Variants in DYSF observed in about 807,000 individuals in gnomAD.
The protein encoded by DYSF is dysferlin, also known as dystrophy-associated fer-1-like 1.
A neutral mutation model predicts 274.9 loss-of-function variants in DYSF; 212 were observed. The ratio of observed to expected loss-of-function variants is 0.77; its 90% CI spans 0.69 to 0.86. The LOEUF (loss-of-function observed/expected upper bound fraction) is 0.86. DYSF is among the 40% of genes least tolerant of loss of function. DYSF has a pLI of 0.00. For missense variants in DYSF, 2,666 were observed against 2,783.2 expected, an observed-to-expected ratio of 0.96 and a Z score of 0.95; for synonymous variants, 1,091 against 1,078.7, an observed-to-expected ratio of 1.01 and a Z score of -0.22.
At chr2:71,662,494 GTA>G (rs200003068) in intron 45 of DYSF, among the ~76,000 whole-genome samples, 13,828 of 144,950 alleles carry the variant, frequency 0.095, 708 homozygotes, top group South Asian at 0.18. Context: ...GTATTTGTGT[GTA>G]TGTGTGTGTA....
chr2:71,593,201 T>G (rs1402977398), intron 32 of DYSF, among the ~76,000 whole-genome samples: 2 of 150,616 alleles, frequency 1.3e-5, no homozygotes, highest in Admixed American at 1.3e-4. Flanking sequence ...GGCGCTATCT[T>G]GGCTCACTGC....
chr2:71,593,437 A>G (rs1244495566), intron 32 of DYSF, among the ~76,000 whole-genome samples: 1 of 152,098 alleles, frequency 6.6e-6, no homozygotes, highest in Non-Finnish European at 1.5e-5. Flanking sequence ...GGCCAGTTCA[A>G]TGACTTCTTT....
chr2:71,458,399 C>T (rs13406110), intron 1 of DYSF, among the ~76,000 whole-genome samples: 26,008 of 152,076 alleles, frequency 0.17, 2,512 homozygotes, highest in Non-Finnish European at 0.22. Context: ...TTTCTCCATC[C>T]ACTGTCCTGC....
At chr2:71,622,120 T>C (rs4852815) in intron 41 of DYSF, among the ~76,000 whole-genome samples, 98,520 of 139,002 alleles carry the variant, frequency 0.71, 37,100 homozygotes, top group East Asian at 0.87. Context: ...TCCATTCAGA[T>C]GATTTCTTTG....
intron 3 of DYSF, among the ~76,000 whole-genome samples, chr2:71,498,765 G>A (rs1019916271): frequency 4.6e-5 from 7 of 152,112 alleles, no homozygotes; most frequent in African/African-American, 7.2e-5. Flanking sequence ...AATGAATAAG[G>A]GCATTTTGGA....
intron 3 of DYSF, among the ~76,000 whole-genome samples, chr2:71,493,753 G>A (rs991969879): frequency 6.6e-6 from 1 of 150,476 alleles, no homozygotes; most frequent in African/African-American, 2.4e-5. Context: ...CCGGGAGGCT[G>A]AGGCAGGAGA....
At chr2:71,545,926 G>T (rs116036025) in intron 17 of DYSF, among the ~76,000 whole-genome samples, 1 of 152,178 alleles carries the variant, frequency 6.6e-6, no homozygotes, top group Non-Finnish European at 1.5e-5. Context: ...ATTCAAAGTC[G>T]GGACCACCTT....
intron 47 of DYSF, among the ~76,000 whole-genome samples, 197 bp downstream of exon 47, chr2:71,665,501 T>G (rs954008986): frequency 6.6e-6 from 1 of 152,066 alleles, no homozygotes; most frequent in East Asian, 1.9e-4. Context: ...GATGCCACTG[T>G]GAAAATTAGA....
chr2:71,526,498 G>T (rs1485058859), intron 13 of DYSF, 152 bp downstream of exon 13: 7 of 1,181,932 alleles, frequency 5.9e-6, no homozygotes, highest in African/African-American at 1.5e-5. Flanking sequence ...AATCAGTGCT[G>T]GTGGAGTTAC....
rs935203058 is a variant in DYSF, at chr2:71,612,551, C to A, written c.4222-90C>A. On this transcript the variant is annotated intron_variant, in intron 38 of 55. Transcript: ENST00000410020. ...GATTTCTGGCTGTGGGGATTATCTG[C>A]GGTTTATAGTCATTTTCTGCTCTTT... The A allele has an allele frequency of 3.2e-6, 5 of 1,562,704 alleles. No homozygotes were observed. In the African/African-American group the frequency reaches 5.4e-5, roughly 17 times the overall value.
chr2:71,517,635 A>G (rs570901158), intron 10 of DYSF, among the ~76,000 whole-genome samples: 1 of 152,160 alleles, frequency 6.6e-6, no homozygotes, highest in Non-Finnish European at 1.5e-5. Context: ...AAGTAGTTTT[A>G]CAACTTGGAG....
intron 42 of DYSF, among the ~76,000 whole-genome samples, chr2:71,652,046 CAGA>C (rs1183562724): frequency 6.6e-6 from 1 of 152,174 alleles, no homozygotes; most frequent in East Asian, 1.9e-4. Flanking sequence ...TTCATGACTT[CAGA>C]AGGTTTCTTT....
At chr2:71,500,120 C>T (rs1324565497) in intron 3 of DYSF, among the ~76,000 whole-genome samples, 1 of 152,182 alleles carries the variant, frequency 6.6e-6, no homozygotes, top group Non-Finnish European at 1.5e-5. Flanking sequence ...GACCTAGAGG[C>T]CCCTGGATAA....
At chr2:71,662,600 CGTCT>C (rs1379313598) in intron 45 of DYSF, among the ~76,000 whole-genome samples, 1 of 137,982 alleles carries the variant, frequency 7.2e-6, no homozygotes, top group African/African-American at 2.7e-5. Context: ...TAGGTGTATG[CGTCT>C]GTGTGTGTCT....
Position 71,564,163 on chromosome 2 carries a change from G to A in DYSF, c.2515G>A (p.Ala839Thr), listed in dbSNP as rs2091949984. ...AHQVLFSRRG[A>T]NYCGKNCGKL... ...CCAAGTCCTCTTCTCCCGGCGGGGT[G>A]CCAACTACTGTGGCAAGAATTGTGG... The change falls in exon 24 of 56, where the codon GCC becomes ACC. Residue 839 changes from alanine to threonine, a missense_variant. Around this residue, in one of 3 missense-constraint regions of DYSF, gnomAD observed 412 missense variants for 504.0 expected, o/e 0.82. Coordinates refer to ENST00000410020, the MANE Select transcript of DYSF (RefSeq NM_001130987.2). 6.2e-7 allele frequency: 1 copy of A among 1,614,152 alleles called. No individual in the cohort carries two copies. Among genetic ancestry groups the A allele is most frequent in the Non-Finnish European group, 8.5e-7 (1 of 1,180,056 alleles).
Position 71,681,090 on chromosome 2 carries a change from C to T in DYSF, c.6153C>T (p.Asn2051=). The T allele has an allele frequency of 1.2e-6, 2 of 1,614,162 alleles. No individual in the cohort carries two copies. The highest frequency in any genetic ancestry group is 1.7e-6 in the Non-Finnish European group (2 of 1,180,038). The change falls in exon 54 of 56, where the codon AAC becomes AAT. Residue 2051 remains asparagine, a synonymous_variant. Transcript: ENST00000410020. ...AGGGCCGGGATGAGCCCAACATGAA[C>T]CCTAAGCTTGAGGACCCAAGGTCAG... is the stretch of plus-strand genomic sequence containing the variant. ...AGQGRDEPNM[N]PKLEDPRRPD... is the part of the protein sequence containing the mutation.
At chr2:71,627,698 C>A (rs2094232858) in intron 41 of DYSF, among the ~76,000 whole-genome samples, 1 of 152,108 alleles carries the variant, frequency 6.6e-6, no homozygotes, top group South Asian at 2.1e-4. Context: ...TGACATTTGT[C>A]AATTTCTCCT....
intron 1 of DYSF, among the ~76,000 whole-genome samples, chr2:71,470,345 C>T (rs2081902035): frequency 6.6e-6 from 1 of 152,028 alleles, no homozygotes; most frequent in South Asian, 2.1e-4. Context: ...ACTCTCTGAA[C>T]CTAGCTGTTT....
At chr2:71,571,991 C>A (rs2092504082) in intron 29 of DYSF, among the ~76,000 whole-genome samples, 1 of 149,376 alleles carries the variant, frequency 6.7e-6, no homozygotes, top group African/African-American at 2.5e-5. Flanking sequence ...TCACATCCAG[C>A]ACACCCAGCA....
Sources: allele counts gnomAD v4.1 joint callset (sites outside exome capture counted in the v4.1 genomes callset), GRCh38; gene constraint gnomAD v4.1.1; regional missense constraint gnomAD v4.1.1; transcripts MANE v1.5; gene names NCBI Gene and HGNC (gene_info 2026-07-23, HGNC 2026-07-21).